LRP1: variants seen among roughly 807,000 people sequenced by gnomAD.
LRP1 encodes LDL receptor related protein 1.
LRP1 carries 51 observed loss-of-function variants against 541.5 expected under a neutral mutation model. The ratio of observed to expected loss-of-function variants is 0.09; its 90% CI spans 0.08 to 0.12. LRP1 has a LOEUF of 0.12. LRP1 is among the 10% of genes least tolerant of loss of function. The pLI, the probability that LRP1 is intolerant of heterozygous loss-of-function variation, is 1.00. For synonymous variants in LRP1, 2,219 were observed against 2,470.8 expected (o/e 0.90, Z 3.02); for missense variants, 3,878 against 6,376.2 (o/e 0.61, Z 13.34).
intron 68 of LRP1, chr12:57,202,959 C>A: frequency 1.7e-6 from 1 of 576,960 alleles, no homozygotes; most frequent in Non-Finnish European, 3.1e-6. Context: ...GACCTGTGTC[C>A]TCTCTGGTGT....
At chr12:57,148,903 C>T (rs533634052) in intron 6 of LRP1, 1 of 545,370 alleles carries the variant, frequency 1.8e-6, no homozygotes, top group Admixed American at 3.3e-5. Context: ...AGCAAGGTTG[C>T]GAAATGGGTC....
At chr12:57,175,061 A>C (rs1391003528) in intron 22 of LRP1, among the ~76,000 whole-genome samples, 2 of 151,980 alleles carry the variant, frequency 1.3e-5, no homozygotes, top group South Asian at 2.1e-4. Flanking sequence ...CCCACCCCAA[A>C]CCCCTCCAAA....
At chr12:57,137,176 G>T (rs2035188480) in intron 1 of LRP1, among the ~76,000 whole-genome samples, 1 of 151,992 alleles carries the variant, frequency 6.6e-6, no homozygotes, top group Non-Finnish European at 1.5e-5. Context: ...GGGAGGCAGG[G>T]GTTGCAGTGA....
rs769778351 is a variant in LRP1 at position 57,205,064 on chromosome 12, A to T, written c.11195-45A>T. 2.5e-6 allele frequency: 4 copies of T among 1,576,954 alleles called. No homozygotes were observed. The highest frequency in any genetic ancestry group is 3.5e-6 in the Non-Finnish European group (4 of 1,157,988). ...TCTATGGGGTTGCCGTGGGAGGAGG[A>T]GGCAGGGGAGAATACCCAGGGCCTA... On this transcript the variant is annotated intron_variant, in intron 72 of 88. Coordinates refer to ENST00000243077, the MANE Select transcript of LRP1 (RefSeq NM_002332.3). This position sits in a 1 kb window ranked among gnomAD's most constrained non-coding sequence, Gnocchi z 4.6.
Position 57,206,388 on chromosome 12 carries a change from G to C in LRP1, c.11591-85G>C. ...AGCAGATGGTCCTACCAGGAGATGG[G>C]ACAGTGTTCATGTGAAAGGAGCTGA... On this transcript the variant is annotated intron_variant, in intron 75 of 88. Coordinates refer to ENST00000243077, the MANE Select transcript of LRP1 (RefSeq NM_002332.3). The surrounding 1 kb of genome is among the most constrained non-coding windows in gnomAD (Gnocchi z 4.7). 1 of 1,373,086 alleles carries C rather than the reference G, an allele frequency of 7.3e-7. No homozygotes were observed. Among genetic ancestry groups the C allele is most frequent in the Non-Finnish European group, 1.0e-6 (1 of 981,900 alleles). The allele number at this position is 1,373,086 out of a possible 1,614,324, so 85.1% of individuals were successfully genotyped here.
chr12:57,152,136 G>A (rs80255035), intron 6 of LRP1, among the ~76,000 whole-genome samples: 3,215 of 152,174 alleles, frequency 0.021, 119 homozygotes, highest in African/African-American at 0.071. Flanking sequence ...AGGCTGGGGG[G>A]GCTGATTGTG....
At chr12:57,175,308 T>C (rs2036020423) in intron 22 of LRP1, 152 bp from the exon 23 acceptor site, 4 of 907,928 alleles carry the variant, frequency 4.4e-6, no homozygotes, top group African/African-American at 1.7e-5. Flanking sequence ...AAGCTCAGCC[T>C]GAAGCTCAGC....
intron 15 of LRP1, among the ~76,000 whole-genome samples, chr12:57,164,035 G>T (rs982801765): frequency 1.3e-5 from 2 of 152,156 alleles, no homozygotes; most frequent in Non-Finnish European, 2.9e-5. Flanking sequence ...GCCAGGCATG[G>T]TGTCACACGC....
At position 57,177,340 on chromosome 12, in the gene LRP1, C is replaced by T. The variant is rs1319682770; in HGVS notation, c.4197-87C>T. On this transcript the variant is annotated intron_variant, in intron 25 of 88. Coordinates refer to ENST00000243077, the MANE Select transcript of LRP1 (RefSeq NM_002332.3). This position sits in a 1 kb window ranked among gnomAD's most constrained non-coding sequence, Gnocchi z 6.8. ...CACCTTACTCCTCAGTGCCATCTGC[C>T]TCCTCCCACCCTCTACCTACGATCC... The T allele has an allele frequency of 6.4e-7, 1 of 1,560,280 alleles. No homozygotes were observed. The highest frequency in any genetic ancestry group is 8.7e-7 in the Non-Finnish European group (1 of 1,142,986).
chr12:57,129,440 TG>T (rs368314678), intron 1 of LRP1, among the ~76,000 whole-genome samples: 70 of 148,272 alleles, frequency 4.7e-4, no homozygotes, highest in African/African-American at 1.3e-3. Context: ...GGGGTGGGGG[TG>T]GGGGGGGTGG....
Position 57,205,338 on chromosome 12 carries a change from C to G in LRP1, c.11336-13C>G, listed in dbSNP as rs772329392. On this transcript the variant is annotated splice_polypyrimidine_tract_variant and intron_variant, in intron 73 of 88. Transcript: ENST00000243077. This position sits in a 1 kb window ranked among gnomAD's most constrained non-coding sequence, Gnocchi z 4.6. ...TGGCTCAAGGGAGGGCATCCACTCTCTGTCCCCCACAGACCCCAAGCTGAC... is the reference window on the plus strand; with the variant it reads ...TGGCTCAAGGGAGGGCATCCACTCTGTGTCCCCCACAGACCCCAAGCTGAC... 1 of 1,594,760 alleles carries G rather than the reference C, an allele frequency of 6.3e-7. No homozygotes were observed. Among genetic ancestry groups the G allele is most frequent in the South Asian group, 1.1e-5 (1 of 89,320 alleles).
chr12:57,191,200 C>T (rs2036371447), intron 43 of LRP1, 120 bp from the exon 44 acceptor site: 3 of 1,153,532 alleles, frequency 2.6e-6, no homozygotes, highest in South Asian at 1.5e-5. Flanking sequence ...AGGGAGATAG[C>T]AGGATGCCTC....
chr12:57,195,231 C>T (rs1332506075), intron 51 of LRP1, 40 bp from the exon 52 acceptor site: 2 of 1,607,398 alleles, frequency 1.2e-6, no homozygotes, highest in East Asian at 2.2e-5. Flanking sequence ...CCTGATCTAC[C>T]CGCTCCTAAG....
chr12:57,154,156 C>T lies in LRP1; in HGVS notation c.842-52C>T. On this transcript the variant is annotated intron_variant, in intron 6 of 88. Transcript: ENST00000243077. The surrounding 1 kb of genome is among the most constrained non-coding windows in gnomAD (Gnocchi z 4.6). ...GTTCTCACCAGCAAAGGGTGGGCAT[C>T]TCTGCAAGAGGGCCTACCCCACCCC... The T allele has an allele frequency of 2.6e-6, 4 of 1,556,244 alleles. No individual in the cohort carries two copies. The highest frequency in any genetic ancestry group is 1.7e-4 in the Middle Eastern group (1 of 5,828).
At position 57,129,013 on chromosome 12, in the gene LRP1, G is replaced by A. The variant is rs1485353753; in HGVS notation, c.49G>A (p.Val17Ile). The A allele has an allele frequency of 1.9e-6, 3 of 1,551,520 alleles. No homozygotes were observed. The highest frequency in any genetic ancestry group is 2.6e-6 in the Non-Finnish European group (3 of 1,146,874). Residue 17 changes from valine (V) to isoleucine (I), a missense_variant, in exon 1 of 89, where the codon GTC (valine) becomes ATC (isoleucine). By Grantham distance (29) the Val-to-Ile change is conservative (BLOSUM62 3). Transcript: ENST00000243077. ...GCTGCTGCCCCTGCTCTCAGCTCTG[G>A]TCGCGGCGGCTATCGACGGTGAGTG... Reference protein sequence around the residue: ...LLLLPLLSALVAAAIDAPKTC... With the variant: ...LLLLPLLSALIAAAIDAPKTC...
At position 57,167,383 on chromosome 12, in the gene LRP1, C is replaced by T. The variant is rs1369877096; in HGVS notation, c.2915-61C>T. On this transcript the variant is annotated intron_variant, in intron 18 of 88. Coordinates refer to ENST00000243077, the MANE Select transcript of LRP1 (RefSeq NM_002332.3). ...TGGGAGGGCCGCTGCACTCACCTGC[C>T]CAGTACTGTGATGCTGTGTAATCGT... The T allele has an allele frequency of 6.4e-6, 8 of 1,243,560 alleles. No individual in the cohort carries two copies. The Admixed American group carries it at 8.4e-5, about 13-fold the overall frequency. The allele number at this position is 1,243,560 out of a possible 1,614,324, so 77.0% of individuals were successfully genotyped here. A position where few individuals can be genotyped will look rare whatever the true frequency, so the allele number is the denominator to read the frequency against.
intron 15 of LRP1, chr12:57,164,905 A>C (rs761847322): frequency 6.6e-6 from 1 of 152,266 alleles, no homozygotes; most frequent in Non-Finnish European, 1.5e-5. Flanking sequence ...TCCACATGGA[A>C]GTTGAAGTCA....
At chr12:57,167,798 G>A (rs559622242) in intron 19 of LRP1, among the ~76,000 whole-genome samples, 4 of 152,248 alleles carry the variant, frequency 2.6e-5, no homozygotes, top group Non-Finnish European at 5.9e-5. Context: ...GCCAGGGAGA[G>A]ATGAGTGAGA....
rs768737041 is a variant in LRP1 at position 57,209,209 on chromosome 12, C to G, written c.12262+10C>G. On this transcript the variant is annotated intron_variant, in intron 79 of 88. Coordinates refer to ENST00000243077, the MANE Select transcript of LRP1 (RefSeq NM_002332.3). ...GCTGACAGCAAACGAGGTCAGAGCC[C>G]GGCATAAGTCGCAGTCCCCAGCCCT... 5.6e-6 allele frequency: 9 copies of G among 1,608,366 alleles called. No individual in the cohort carries two copies. In the South Asian group the frequency reaches 8.8e-5, roughly 16 times the overall value.
Sources: gnomAD v4.1 joint callset for allele counts (sites outside exome capture counted in the v4.1 genomes callset) on GRCh38, gnomAD v4.1.1 for gene constraint, Gnocchi (gnomAD v3.1) non-coding constraint, MANE v1.5 for transcripts, NCBI Gene and HGNC (gene_info 2026-07-23, HGNC 2026-07-21) for gene names.